GABPB1: variants seen among roughly 807,000 people sequenced by gnomAD.
GABPB1 encodes the protein GA binding protein transcription factor subunit beta 1.
Under a neutral mutation model 45.9 loss-of-function variants are expected in GABPB1, and 15 were observed. The ratio of observed to expected loss-of-function variants is 0.33; its 90% CI spans 0.22 to 0.50. The LOEUF is 0.50. GABPB1 is among the 20% of genes least tolerant of loss of function. The pLI, the probability that GABPB1 is intolerant of heterozygous loss-of-function variation, is 0.98. For synonymous variants in GABPB1, 143 were observed against 154.4 expected, an observed-to-expected ratio of 0.93 and a Z score of 0.55; for missense variants, 252 against 457.5, an observed-to-expected ratio of 0.55 and a Z score of 4.10.
chr15:50,306,328 C>A (rs1220972191), intron 2 of GABPB1, among the ~76,000 whole-genome samples: 1 of 152,156 alleles, frequency 6.6e-6, no homozygotes, highest in Non-Finnish European at 1.5e-5. Flanking sequence ...AAATAAAACA[C>A]TGCCAGTAAT....
chr15:50,341,032 T>G (rs2048358021), intron 1 of GABPB1, among the ~76,000 whole-genome samples: 1 of 151,582 alleles, frequency 6.6e-6, no homozygotes, highest in Non-Finnish European at 1.5e-5. Flanking sequence ...ACATATGGTT[T>G]ATTACATACT....
At chr15:50,330,689 T>C (rs953686535) in intron 1 of GABPB1, among the ~76,000 whole-genome samples, 15 of 152,230 alleles carry the variant, frequency 9.9e-5, no homozygotes, top group Non-Finnish European at 2.1e-4. Flanking sequence ...TCAAAGCCCA[T>C]TTTTAAAAGA....
At position 50,323,512 on chromosome 15, in the gene GABPB1, C is replaced by T. The variant is rs1161760333; in HGVS notation, c.1-13714G>A. ...GGAGAGGTCACTCAGCCTTTCTACG[C>T]CTCAGTTTACACACCTGTAAAATGA... is the stretch of plus-strand genomic sequence containing the variant. On this transcript the variant is annotated intron_variant, in intron 1 of 8. Coordinates refer to ENST00000380877, the MANE Select transcript of GABPB1 (RefSeq NM_016654.5). 2.0e-5 allele frequency among the ~76,000 whole-genome samples: 3 copies of T among 152,142 alleles called. No individual in the cohort carries two copies. The East Asian group carries it at 5.8e-4, about 29-fold the overall frequency.
At chr15:50,309,918 C>T (rs1180157231) in intron 1 of GABPB1, 120 bp from the exon 2 acceptor site, 1 of 567,190 alleles carries the variant, frequency 1.8e-6, no homozygotes, top group East Asian at 2.8e-5. Flanking sequence ...AAAGAGTGTG[C>T]TATGGTTAAT....
intron 6 of GABPB1, among the ~76,000 whole-genome samples, chr15:50,296,888 T>TA (rs999933044): frequency 2.0e-5 from 3 of 151,296 alleles, no homozygotes; most frequent in Non-Finnish European, 4.4e-5. Flanking sequence ...GTAACATACT[T>TA]AAACTTTAAC....
rs1178370087 is a variant in GABPB1, at chr15:50,300,811, C to T, written c.675G>A (p.Leu225=). ...AACCTGGAGTTTCTGAAGAATTGGA[C>T]AATGGAGCAGATGCTTCAGCTAAGG... ...LAALAEASAP[L]SNSSETPVVA... is the part of the protein sequence containing the mutation. Residue 225 remains leucine (L), a synonymous_variant, in exon 6 of 9, where the codon TTG becomes TTA. Coordinates refer to ENST00000380877, the MANE Select transcript of GABPB1 (RefSeq NM_016654.5). 8.7e-6 allele frequency: 14 copies of T among 1,609,652 alleles called. No homozygotes were observed. Among genetic ancestry groups the T allele is most frequent in the Non-Finnish European group, 1.2e-5 (14 of 1,176,156 alleles).
chr15:50,300,207 A>C (rs2141017983), intron 6 of GABPB1, among the ~76,000 whole-genome samples: 1 of 152,194 alleles, frequency 6.6e-6, no homozygotes, highest in South Asian at 2.1e-4. Flanking sequence ...TTTGTTTTTC[A>C]ATTAGTTACC....
chr15:50,297,611 G>A (rs1200432213), intron 6 of GABPB1, among the ~76,000 whole-genome samples: 4 of 152,212 alleles, frequency 2.6e-5, no homozygotes, highest in East Asian at 3.8e-4. Flanking sequence ...CTGAGAGGCC[G>A]AGATGGACAG....
At chr15:50,279,411 C>G (rs2045907249) in intron 8 of GABPB1, among the ~76,000 whole-genome samples, 1 of 152,170 alleles carries the variant, frequency 6.6e-6, no homozygotes, top group Admixed American at 6.5e-5. Context: ...ATGAAGAGTG[C>G]TGATCAAGAT....
At chr15:50,296,820 G>A (rs1237742618) in intron 6 of GABPB1, among the ~76,000 whole-genome samples, 3 of 151,962 alleles carry the variant, frequency 2.0e-5, no homozygotes, top group Non-Finnish European at 2.9e-5. Context: ...ATAATCTGTG[G>A]TAGATTTAGC....
At chr15:50,349,559 A>T (rs2048744832) in intron 1 of GABPB1, 2 of 152,204 alleles carry the variant, frequency 1.3e-5, no homozygotes, top group Non-Finnish European at 2.9e-5. Context: ...GAATATTTAA[A>T]ATATTACACA....
In GABPB1 at chr15:50,313,953, G is replaced by A. The variant is rs566018403; in HGVS notation, c.1-4155C>T. ...TCCTGACTTACTAGAGAGGATGAGC[G>A]GAAAAAACAAAGAAAATGTATAATG... On this transcript the variant is annotated intron_variant, in intron 1 of 8. Transcript: ENST00000380877. 5.9e-5 allele frequency among the ~76,000 whole-genome samples: 9 copies of A among 151,672 alleles called. No homozygotes were observed. In the East Asian group the frequency reaches 1.2e-3, roughly 20 times the overall value.
chr15:50,298,090 G>A (rs772939190), intron 6 of GABPB1, among the ~76,000 whole-genome samples: 12 of 151,986 alleles, frequency 7.9e-5, no homozygotes, highest in Non-Finnish European at 1.3e-4. Flanking sequence ...TTTTGTTTTC[G>A]TTTTTGTTTT....
rs140953878 is a variant in GABPB1, at chr15:50,318,984, T to C, written c.1-9186A>G. Among the ~76,000 whole-genome samples, 717 of 152,292 alleles carry C rather than the reference T, an allele frequency of 4.7e-3. 7 individuals carry two copies. Among genetic ancestry groups the C allele is most frequent in the African/African-American group, 0.017 (691 of 41,562 alleles). On this transcript the variant is annotated intron_variant, in intron 1 of 8. Transcript: ENST00000380877. ...GTGTAATGTAAAGCAAAATTTTCAG[T>C]GTAATCCTATTGAAAAGATAAATGG...
intron 1 of GABPB1, among the ~76,000 whole-genome samples, chr15:50,336,651 C>G (rs896196132): frequency 1.3e-5 from 2 of 151,650 alleles, no homozygotes; most frequent in African/African-American, 4.8e-5. Context: ...CCACTGCACT[C>G]CATCCTGGGC....
At chr15:50,312,427 T>A (rs1032685441) in intron 1 of GABPB1, among the ~76,000 whole-genome samples, 3 of 152,166 alleles carry the variant, frequency 2.0e-5, no homozygotes, top group African/African-American at 7.2e-5. Flanking sequence ...AAGATACTCC[T>A]CAATCCTGCT....
At chr15:50,302,803 T>C in intron 4 of GABPB1, 126 bp downstream of exon 4, 1 of 646,338 alleles carries the variant, frequency 1.5e-6, no homozygotes, top group Non-Finnish European at 2.6e-6. Context: ...AAAAGGCCTA[T>C]CCAAAATAAC....
chr15:50,313,527 G>A (rs1408525792), intron 1 of GABPB1, among the ~76,000 whole-genome samples: 1 of 151,880 alleles, frequency 6.6e-6, no homozygotes, highest in Non-Finnish European at 1.5e-5. Flanking sequence ...TATTGAAACA[G>A]ATTTATCAGT....
intron 2 of GABPB1, 90 bp downstream of exon 2, chr15:50,309,601 C>T: frequency 1.3e-6 from 1 of 745,536 alleles, no homozygotes; most frequent in Non-Finnish European, 2.3e-6. Flanking sequence ...CTTTTTACCA[C>T]TTATAAACAC....
Sources: gnomAD v4.1 joint callset for allele counts (sites outside exome capture counted in the v4.1 genomes callset) on GRCh38, gnomAD v4.1.1 for gene constraint, MANE v1.5 for transcripts, NCBI Gene and HGNC (gene_info 2026-07-23, HGNC 2026-07-21) for gene names.